ABLIM1: variants seen among roughly 807,000 people sequenced by gnomAD.
The protein encoded by ABLIM1 is actin-binding LIM protein 1.
A neutral mutation model predicts 107.0 loss-of-function variants in ABLIM1; 40 were observed. That is an observed-to-expected ratio of 0.37 (90% CI 0.29 to 0.49). The LOEUF is 0.49. Ranked by LOEUF, ABLIM1 falls within the 20% of genes least tolerant of loss-of-function variation. The pLI, the probability that ABLIM1 is intolerant of heterozygous loss-of-function variation, is 0.97. For missense variants in ABLIM1, 857 were observed against 1,008.5 expected, an observed-to-expected ratio of 0.85 and a Z score of 2.04; for synonymous variants, 357 against 357.3, an observed-to-expected ratio of 1.00 and a Z score of 0.01.
At chr10:114,654,732 G>A (rs1024406341) in intron 1 of ABLIM1, among the ~76,000 whole-genome samples, 3 of 152,190 alleles carry the variant, frequency 2.0e-5, no homozygotes, top group South Asian at 2.1e-4. Context: ...GGGATCGCTG[G>A]GGCCAGCAGT....
At chr10:114,472,908 A>G in intron 10 of ABLIM1, 69 bp downstream of exon 10, 1 of 1,411,520 alleles carries the variant, frequency 7.1e-7, no homozygotes, top group Non-Finnish European at 9.4e-7. Context: ...TCCAAATGGT[A>G]GTTATTACAA....
At chr10:114,632,443 A>G in intron 1 of ABLIM1, 3 of 984,588 alleles carry the variant, frequency 3.0e-6, no homozygotes, top group Non-Finnish European at 3.6e-6. Flanking sequence ...TTCAATTTTT[A>G]CTACGGCTTC....
intron 1 of ABLIM1, among the ~76,000 whole-genome samples, chr10:114,621,046 G>A (rs1215545800): frequency 6.6e-6 from 1 of 152,166 alleles, no homozygotes; most frequent in Non-Finnish European, 1.5e-5. Context: ...TGTATGATGT[G>A]GCCAAAATGC....
chr10:114,504,205 C>A (rs1213705257), intron 6 of ABLIM1, among the ~76,000 whole-genome samples: 1 of 152,184 alleles, frequency 6.6e-6, no homozygotes, highest in African/African-American at 2.4e-5. Context: ...CTTTTGTTAA[C>A]AATACCCTTT....
the ABLIM1 span, among the ~76,000 whole-genome samples, chr10:114,781,685 T>A: frequency 7.2e-6 from 1 of 138,488 alleles, no homozygotes; most frequent in Admixed American, 7.2e-5. Context: ...TATATATATA[T>A]ATAATTAATG....
chr10:114,681,004 A>T (rs2080723596), intron 1 of ABLIM1, among the ~76,000 whole-genome samples: 1 of 152,212 alleles, frequency 6.6e-6, no homozygotes, highest in Non-Finnish European at 1.5e-5. Context: ...AATTAGAGAC[A>T]GACTATTACA....
chr10:114,550,783 T>A (rs1172849200), intron 4 of ABLIM1, among the ~76,000 whole-genome samples: 3 of 152,210 alleles, frequency 2.0e-5, no homozygotes, highest in Non-Finnish European at 4.4e-5. Context: ...TTTTCCAGGA[T>A]GAAATGGACA....
At chr10:114,689,047 C>T (rs17793192), upstream of ABLIM1, among the ~76,000 whole-genome samples, 40,527 of 152,102 alleles carry the variant, frequency 0.27, 7,000 homozygotes, top group Non-Finnish European at 0.39. Flanking sequence ...TTCACAAAGA[C>T]GGCTGATGGG....
intron 1 of ABLIM1, among the ~76,000 whole-genome samples, chr10:114,693,108 C>T (rs2081118181): frequency 6.6e-6 from 1 of 152,262 alleles, no homozygotes; most frequent in Non-Finnish European, 1.5e-5. Context: ...GGGAGGCTTC[C>T]TATTATCTAG....
intron 2 of ABLIM1, among the ~76,000 whole-genome samples, chr10:114,589,075 T>A (rs2074520916): frequency 6.6e-6 from 1 of 152,174 alleles, no homozygotes; most frequent in Admixed American, 6.5e-5. Flanking sequence ...CATTTATGTT[T>A]TAGTTTAACA....
At chr10:114,624,265 T>C (rs1044372255) in intron 1 of ABLIM1, among the ~76,000 whole-genome samples, 2 of 152,188 alleles carry the variant, frequency 1.3e-5, no homozygotes, top group African/African-American at 4.8e-5. Context: ...GACTTTGGCA[T>C]AGGAGAAGCC....
chr10:114,743,349 A>G (rs982846644), intron 1 of ABLIM1, among the ~76,000 whole-genome samples: 7 of 152,198 alleles, frequency 4.6e-5, no homozygotes, highest in African/African-American at 1.7e-4. Flanking sequence ...TAAAGGTGTC[A>G]TATATTTTGG....
At chr10:114,661,854 A>G (rs1006119397), upstream of ABLIM1, among the ~76,000 whole-genome samples, 3 of 152,118 alleles carry the variant, frequency 2.0e-5, no homozygotes, top group Non-Finnish European at 4.4e-5. Flanking sequence ...CACTGAGGAC[A>G]CCCAGCCTTT....
In ABLIM1 at chr10:114,447,954, T is replaced by A; in HGVS notation, c.1661A>T (p.Gln554Leu). The A allele has an allele frequency of 6.2e-7, 1 of 1,614,196 alleles. No homozygotes were observed. The highest frequency in any genetic ancestry group is 2.2e-5 in the East Asian group (1 of 44,878). The change falls in exon 15 of 23, where the codon CAG (glutamine) becomes CTG (leucine). Residue 554 changes from glutamine to leucine, a missense_variant. Transcript: ENST00000533213. ...TGGTGTCTCGCTGGGGTCTGGTGCC[T>A]GGGCTGCTGGGAACTTGGAAAACTT... ...IIKFSKFPAAQAPDPSETPKI... is the reference protein window; with the variant it reads ...IIKFSKFPAALAPDPSETPKI...
At chr10:114,742,035 T>C (rs1037290067) in intron 1 of ABLIM1, among the ~76,000 whole-genome samples, 2 of 152,196 alleles carry the variant, frequency 1.3e-5, no homozygotes, top group African/African-American at 2.4e-5. Flanking sequence ...GTCAATTACA[T>C]GAAACAAAAT....
chr10:114,544,851 C>T (rs2067118872), intron 6 of ABLIM1, among the ~76,000 whole-genome samples, 154 bp downstream of exon 6: 1 of 151,984 alleles, frequency 6.6e-6, no homozygotes, highest in South Asian at 2.1e-4. Context: ...GAGAGTGCAG[C>T]ACCTTAATTC....
intron 1 of ABLIM1, among the ~76,000 whole-genome samples, chr10:114,708,328 G>T (rs925755750): frequency 2.0e-5 from 3 of 152,094 alleles, no homozygotes; most frequent in Non-Finnish European, 4.4e-5. Flanking sequence ...AAAAACAGCC[G>T]CTGTTTCCCT....
chr10:114,794,306 A>G, the ABLIM1 span, among the ~76,000 whole-genome samples: 1 of 152,300 alleles, frequency 6.6e-6, no homozygotes, highest in South Asian at 2.1e-4. Flanking sequence ...TTGTTTATTG[A>G]TTCTCATCCC....
intron 2 of ABLIM1, among the ~76,000 whole-genome samples, chr10:114,581,809 G>A (rs1321790938): frequency 6.6e-6 from 1 of 152,048 alleles, no homozygotes; most frequent in African/African-American, 2.4e-5. Context: ...CATTTCCAGT[G>A]ATGAGGGCCA....
Sources: gnomAD v4.1 joint callset for allele counts (sites outside exome capture counted in the v4.1 genomes callset) on GRCh38, gnomAD v4.1.1 for gene constraint, MANE v1.5 for transcripts, NCBI Gene and HGNC (gene_info 2026-07-23, HGNC 2026-07-21) for gene names.